Variants in DNAI2 observed in about 807,000 individuals in gnomAD.
DNAI2 encodes the protein dynein axonemal intermediate chain 2.
Under a neutral mutation model 74.7 loss-of-function variants are expected in DNAI2, and 63 were observed. That is an observed-to-expected ratio of 0.84 (90% CI 0.69 to 1.04). The LOEUF (loss-of-function observed/expected upper bound fraction) is 1.04, where lower values mean the gene tolerates loss of function less well. Among genes scored for constraint, DNAI2 ranks in the 50% least tolerant of loss-of-function variants. DNAI2 has a pLI of 0.00. For synonymous variants in DNAI2, 289 were observed against 314.9 expected (o/e 0.92, Z 0.87); for missense variants, 688 against 803.2 (o/e 0.86, Z 1.73).
intron 2 of DNAI2, among the ~76,000 whole-genome samples, chr17:74,283,292 A>G (rs2051497550): frequency 6.6e-6 from 1 of 152,216 alleles, no homozygotes; most frequent in Admixed American, 6.5e-5. Flanking sequence ...TTTATGTTAC[A>G]TGTATTTTAC....
intron 1 of DNAI2, among the ~76,000 whole-genome samples, chr17:74,279,404 T>C (rs1337732679): frequency 6.6e-6 from 1 of 152,192 alleles, no homozygotes; most frequent in African/African-American, 2.4e-5. Context: ...CATGATTGTA[T>C]ATTGTATATT....
Position 74,300,339 on chromosome 17 carries a change from T to C in DNAI2, c.864+482T>C, listed in dbSNP as rs1170588985. Among the ~76,000 whole-genome samples, 1 of 152,212 alleles carries C rather than the reference T, an allele frequency of 6.6e-6. No individual in the cohort carries two copies. Among genetic ancestry groups the C allele is most frequent in the Non-Finnish European group, 1.5e-5 (1 of 68,036 alleles). ...AAAGAAAATGCCTTCCTCTCACCTCTGCCTGCACCTCCTCCCCTCCCTCCC... is the reference window on the plus strand; with the variant it reads ...AAAGAAAATGCCTTCCTCTCACCTCCGCCTGCACCTCCTCCCCTCCCTCCC... On this transcript the variant is annotated intron_variant, in intron 7 of 13. Transcript: ENST00000311014. The surrounding 1 kb of genome is among the most constrained non-coding windows in gnomAD (Gnocchi z 4.5).
chr17:74,301,818 A>G (rs574916916), intron 8 of DNAI2, among the ~76,000 whole-genome samples: 1 of 145,790 alleles, frequency 6.9e-6, no homozygotes, highest in Non-Finnish European at 1.5e-5. Flanking sequence ...AGAAAGAAAG[A>G]AAGAGAGGGA....
rs539461253 is a variant in DNAI2 at position 74,291,066 on chromosome 17, C to T, written c.657C>T (p.Leu219=). Residue 219 remains leucine (L), a synonymous_variant, in exon 6 of 14, where the codon CTC becomes CTT. Transcript: ENST00000311014. ...PELALKPSSP[L]VTLEFNPKDS... ...TTGCTCTGAAGCCATCGTCTCCACT[C>T]GTGACGTTGGAGTTCAACCCCAAAG... 6.1e-5 allele frequency: 98 copies of T among 1,614,218 alleles called. 1 individual carries two copies. The highest frequency in any genetic ancestry group is 7.7e-5 in the Non-Finnish European group (91 of 1,180,038).
intron 7 of DNAI2, 55 bp downstream of exon 7, chr17:74,299,912 C>G: frequency 8.1e-6 from 13 of 1,608,692 alleles, no homozygotes; most frequent in Non-Finnish European, 1.1e-5. Context: ...AGTAACTGTT[C>G]CCTGGTTCCC....
chr17:74,309,908 G>T, intron 10 of DNAI2, 109 bp from the exon 11 acceptor site: 1 of 1,443,010 alleles, frequency 6.9e-7, no homozygotes, highest in Non-Finnish European at 9.7e-7. Context: ...GCGTCCTGAG[G>T]ATGTTTGAAT....
intron 1 of DNAI2, among the ~76,000 whole-genome samples, chr17:74,280,950 T>G (rs1472277386): frequency 6.6e-6 from 1 of 151,638 alleles, no homozygotes; most frequent in Non-Finnish European, 1.5e-5. Flanking sequence ...TAGCCAGGCA[T>G]GGTACTGCAC....
intron 6 of DNAI2, among the ~76,000 whole-genome samples, chr17:74,296,682 A>G (rs937007199): frequency 6.6e-6 from 1 of 152,206 alleles, no homozygotes; most frequent in Non-Finnish European, 1.5e-5. Flanking sequence ...CCAACCTTGC[A>G]AGAGGAGCCT....
At chr17:74,286,888 G>A (rs2051779577) in intron 3 of DNAI2, 89 bp from the exon 4 acceptor site, 4 of 1,576,762 alleles carry the variant, frequency 2.5e-6, no homozygotes, top group Admixed American at 1.7e-5. Context: ...CCCTGGCTAT[G>A]TCCTGTCCCT....
chr17:74,295,432 A>G (rs1400229245), intron 6 of DNAI2, among the ~76,000 whole-genome samples: 3 of 151,982 alleles, frequency 2.0e-5, no homozygotes, highest in African/African-American at 7.2e-5. Context: ...ATTTTTGTCT[A>G]TTTGTATCTT....
At chr17:74,277,908 A>G (rs1598260151) in intron 1 of DNAI2, among the ~76,000 whole-genome samples, 1 of 152,248 alleles carries the variant, frequency 6.6e-6, no homozygotes, top group East Asian at 1.9e-4. Context: ...TTGGCTACAC[A>G]TGGAATTGCC....
chr17:74,311,836 A>G (rs2053544183), intron 11 of DNAI2, among the ~76,000 whole-genome samples, 167 bp from the exon 12 acceptor site: 1 of 152,114 alleles, frequency 6.6e-6, no homozygotes, highest in Non-Finnish European at 1.5e-5. Context: ...CAACCCCAAT[A>G]TTCAGCCCTC....
intron 9 of DNAI2, among the ~76,000 whole-genome samples, chr17:74,305,905 C>G (rs1228954751): frequency 1.3e-5 from 2 of 152,140 alleles, no homozygotes; most frequent in Non-Finnish European, 2.9e-5. Context: ...CTCCTGACCT[C>G]AGGTGATCTG....
intron 1 of DNAI2, among the ~76,000 whole-genome samples, chr17:74,279,009 T>A (rs2051245417): frequency 6.6e-6 from 1 of 151,962 alleles, no homozygotes; most frequent in Non-Finnish European, 1.5e-5. Flanking sequence ...CTACTAAAAA[T>A]ACAAAAAATT....
intron 6 of DNAI2, among the ~76,000 whole-genome samples, chr17:74,292,892 C>T (rs894829647): frequency 6.0e-5 from 9 of 151,230 alleles, no homozygotes; most frequent in African/African-American, 2.2e-4. Context: ...TGCAGTGGCG[C>T]GATCTTGGCC....
At position 74,291,143 on chromosome 17, in the gene DNAI2, G is replaced by A. The variant is rs1385483000; in HGVS notation, c.724+10G>A. On this transcript the variant is annotated intron_variant, in intron 6 of 13. Coordinates refer to ENST00000311014, the MANE Select transcript of DNAI2 (RefSeq NM_023036.6). ...TACAATGGACAGATAGGTAAGGAGGGACCTAGGCTTTTTTATTTTTATTTT... is the reference window on the plus strand; with the variant it reads ...TACAATGGACAGATAGGTAAGGAGGAACCTAGGCTTTTTTATTTTTATTTT... 2 of 1,573,612 alleles carry A rather than the reference G, an allele frequency of 1.3e-6. No individual in the cohort carries two copies. Among genetic ancestry groups the A allele is most frequent in the Admixed American group, 1.7e-5 (1 of 58,782 alleles).
chr17:74,306,039 T>G (rs1369060729), intron 9 of DNAI2, among the ~76,000 whole-genome samples: 1 of 152,190 alleles, frequency 6.6e-6, no homozygotes, highest in African/African-American at 2.4e-5. Flanking sequence ...TTCATCTCAT[T>G]TTTCATGTTA....
intron 1 of DNAI2, among the ~76,000 whole-genome samples, chr17:74,275,224 A>G (rs1315457110): frequency 6.6e-6 from 1 of 152,182 alleles, no homozygotes; most frequent in African/African-American, 2.4e-5. Context: ...GAGGGCAGGT[A>G]GTCACTGACC....
At chr17:74,299,273 T>G (rs762783286) in intron 6 of DNAI2, among the ~76,000 whole-genome samples, 29 of 152,134 alleles carry the variant, frequency 1.9e-4, no homozygotes, top group Non-Finnish European at 3.2e-4. Context: ...AGCAGAGAGA[T>G]TCACCTAAAT....
Sources: allele counts gnomAD v4.1 joint callset (sites outside exome capture counted in the v4.1 genomes callset), GRCh38; gene constraint gnomAD v4.1.1; non-coding constraint Gnocchi (gnomAD v3.1); transcripts MANE v1.5; gene names NCBI Gene and HGNC (gene_info 2026-07-23, HGNC 2026-07-21).